Variants in TRDN observed in about 807,000 individuals in gnomAD.
TRDN encodes triadin.
Under a neutral mutation model 149.7 loss-of-function variants are expected in TRDN, and 161 were observed. That is an observed-to-expected ratio of 1.08 (90% confidence interval 0.95 to 1.23). TRDN has a LOEUF of 1.23. Among genes scored for constraint, TRDN ranks in the 50% most tolerant of loss-of-function variants. The probability of loss-of-function intolerance (pLI) is 0.00; values close to 1 mark genes in which losing one functional copy is unlikely to be tolerated. For missense variants in TRDN, 896 were observed against 823.5 expected, an observed-to-expected ratio of 1.09 and a Z score of -1.08; for synonymous variants, 294 against 250.5, an observed-to-expected ratio of 1.17 and a Z score of -1.64.
At chr6:123,332,272 A>G (rs879335336) in intron 22 of TRDN, among the ~76,000 whole-genome samples, 12 of 150,516 alleles carry the variant, frequency 8.0e-5, no homozygotes, top group Admixed American at 2.7e-4. Context: ...AAACTGTTTA[A>G]TCAGCACAAA....
intron 1 of TRDN, among the ~76,000 whole-genome samples, chr6:123,590,130 C>G (rs1043794638): frequency 1.1e-4 from 17 of 152,172 alleles, no homozygotes; most frequent in African/African-American, 4.1e-4. Context: ...CCATTAGGAA[C>G]CAGGTCACAC....
At chr6:123,611,859 G>T (rs1331844738) in intron 1 of TRDN, among the ~76,000 whole-genome samples, 1 of 151,830 alleles carries the variant, frequency 6.6e-6, no homozygotes, top group Non-Finnish European at 1.5e-5. Context: ...TGCTTTATCT[G>T]ATAATAAAGT....
At chr6:123,322,615 TA>T (rs1233066232) in intron 23 of TRDN, among the ~76,000 whole-genome samples, 424 of 12,452 alleles carry the variant, frequency 0.034, 2 homozygotes, top group Non-Finnish European at 0.078. Context: ...TTTTAAAATT[TA>T]TTATTATTAT....
intron 7 of TRDN, 32 bp from the exon 8 acceptor site, chr6:123,503,933 T>C: frequency 6.6e-7 from 1 of 1,516,388 alleles, no homozygotes; most frequent in Middle Eastern, 1.9e-4. Flanking sequence ...TGAAATACTT[T>C]TGTTTATTTA....
intron 8 of TRDN, among the ~76,000 whole-genome samples, chr6:123,500,358 T>C (rs1226918247): frequency 1.3e-5 from 2 of 152,146 alleles, no homozygotes; most frequent in Non-Finnish European, 2.9e-5. Flanking sequence ...CGTATAAGAA[T>C]TCTAGGTAGG....
At chr6:123,590,130 C>T (rs1043794638) in intron 1 of TRDN, among the ~76,000 whole-genome samples, 1 of 152,172 alleles carries the variant, frequency 6.6e-6, no homozygotes, top group Admixed American at 6.5e-5. Flanking sequence ...CCATTAGGAA[C>T]CAGGTCACAC....
chr6:123,602,898 C>T (rs188964299), intron 1 of TRDN, among the ~76,000 whole-genome samples: 1 of 152,014 alleles, frequency 6.6e-6, no homozygotes, highest in East Asian at 1.9e-4. Flanking sequence ...ACATCAACGA[C>T]TTCATGCTAT....
intron 9 of TRDN, among the ~76,000 whole-genome samples, chr6:123,467,252 G>GT (rs1308382518): frequency 6.6e-6 from 1 of 151,326 alleles, no homozygotes; most frequent in African/African-American, 2.4e-5. Context: ...CAGCCTAAAA[G>GT]GAGCCTGCCA....
intron 12 of TRDN, among the ~76,000 whole-genome samples, chr6:123,413,897 C>G (rs901064623): frequency 6.6e-5 from 10 of 152,154 alleles, no homozygotes; most frequent in African/African-American, 1.9e-4. Flanking sequence ...GATGAAGCCC[C>G]CTACTCACCA....
At chr6:123,520,112 G>A (rs1779604070) in intron 5 of TRDN, among the ~76,000 whole-genome samples, 1 of 151,900 alleles carries the variant, frequency 6.6e-6, no homozygotes. Flanking sequence ...TTTATTTTTG[G>A]TAGCTAATTT....
intron 10 of TRDN, chr6:123,464,365 TA>T (rs973410127): frequency 1.3e-5 from 13 of 973,272 alleles, no homozygotes; most frequent in Admixed American, 1.2e-4. Flanking sequence ...TACATATACA[TA>T]AAACAGTATT....
chr6:123,339,009 G>T (rs955119983), intron 21 of TRDN, among the ~76,000 whole-genome samples: 37 of 151,122 alleles, frequency 2.4e-4, no homozygotes, highest in South Asian at 4.2e-4. Flanking sequence ...TGTATTAGGG[G>T]TTTTTTTTTG....
At position 123,283,731 on chromosome 6, in the gene TRDN, C is replaced by T. The variant is rs139583554; in HGVS notation, c.1511-4649G>A. 5.3e-5 allele frequency among the ~76,000 whole-genome samples: 8 copies of T among 150,664 alleles called. No homozygotes were observed. The East Asian group carries it at 1.6e-3, about 30-fold the overall frequency. On this transcript the variant is annotated intron_variant, in intron 24 of 40. Transcript: ENST00000334268. Reference sequence around the variant, plus strand: ...TGGATAAATTCCTGGAAATATGTAACCCTCCTAGCTTAAATCAGGAAGAAT... The same window carrying T: ...TGGATAAATTCCTGGAAATATGTAATCCTCCTAGCTTAAATCAGGAAGAAT...
chr6:123,220,052 T>C (rs988331512), intron 40 of TRDN, among the ~76,000 whole-genome samples: 1 of 151,958 alleles, frequency 6.6e-6, no homozygotes, highest in Non-Finnish European at 1.5e-5. Flanking sequence ...TATCAGGCTA[T>C]AGAACTGCCT....
chr6:123,471,656 T>A (rs1777158266), intron 9 of TRDN: 1 of 152,196 alleles, frequency 6.6e-6, no homozygotes, highest in Non-Finnish European at 1.5e-5. Context: ...CCTAATATAT[T>A]TCCACGTGTT....
chr6:123,572,330 CT>C (rs1330292638), intron 1 of TRDN, among the ~76,000 whole-genome samples: 3 of 151,940 alleles, frequency 2.0e-5, no homozygotes, highest in Admixed American at 6.6e-5. Context: ...TTTATGTTGC[CT>C]TTTTTTGGTG....
chr6:123,485,236 A>C (rs534842231), intron 9 of TRDN, among the ~76,000 whole-genome samples: 2 of 152,200 alleles, frequency 1.3e-5, no homozygotes, highest in Non-Finnish European at 2.9e-5. Flanking sequence ...GCATGCAGCA[A>C]ACCTGTCTTT....
intron 24 of TRDN, among the ~76,000 whole-genome samples, chr6:123,300,901 C>T (rs1307228750): frequency 3.3e-5 from 5 of 149,444 alleles, no homozygotes; most frequent in African/African-American, 1.3e-4. Flanking sequence ...AGTCAGTTTC[C>T]CCTTTTAACG....
chr6:123,588,269 A>C (rs934597241), intron 1 of TRDN, among the ~76,000 whole-genome samples: 2 of 152,146 alleles, frequency 1.3e-5, no homozygotes, highest in African/African-American at 4.8e-5. Flanking sequence ...AGGGTCTGCT[A>C]TCTGTCACAT....
Sources: allele counts gnomAD v4.1 joint callset (sites outside exome capture counted in the v4.1 genomes callset), GRCh38; gene constraint gnomAD v4.1.1; transcripts MANE v1.5; gene names NCBI Gene and HGNC (gene_info 2026-07-23, HGNC 2026-07-21).